The following FHIT variants were observed in gnomAD, a reference collection of about 807,000 sequenced individuals.
The protein encoded by FHIT is bis(5'-adenosyl)-triphosphatase.
In FHIT, 19 loss-of-function variants were observed where a neutral mutation model predicts 17.9. That is an observed-to-expected ratio of 1.06 (90% confidence interval 0.74 to 1.56). FHIT has a LOEUF of 1.56. Ranked by LOEUF, FHIT falls within the 40% of genes most tolerant of loss-of-function variation. FHIT has a pLI of 0.00. For missense variants in FHIT, 248 were observed against 189.2 expected (o/e 1.31, Z -1.82); for synonymous variants, 81 against 69.7 (o/e 1.16, Z -0.81).
At chr3:60,565,070 T>C (rs978986963) in intron 4 of FHIT, among the ~76,000 whole-genome samples, 10 of 152,160 alleles carry the variant, frequency 6.6e-5, no homozygotes, top group Non-Finnish European at 8.8e-5. Context: ...GCCATCAACA[T>C]TGAGGCAAGA....
chr3:60,567,086 C>T (rs1320819782), intron 4 of FHIT, among the ~76,000 whole-genome samples: 5 of 151,332 alleles, frequency 3.3e-5, no homozygotes, highest in Admixed American at 3.3e-4. Flanking sequence ...CAATGACTTT[C>T]TTCACAGAAT....
rs573362254 is a variant in FHIT, at chr3:61,114,564, G to GA, written c.-163-72466dup. On this transcript the variant is annotated intron_variant, in intron 2 of 9. Coordinates refer to ENST00000492590, the MANE Select transcript of FHIT (RefSeq NM_002012.4). ...TTGGCATAGAATCTGGCACAGAGGG[G>GA]AAAAAAAAACAATCATTGGTGCTTA... Among the ~76,000 whole-genome samples the GA allele has an allele frequency of 2.5e-4, 38 of 150,038 alleles. No homozygotes were observed. In the South Asian group the frequency reaches 4.5e-3, roughly 18 times the overall value.
intron 4 of FHIT, among the ~76,000 whole-genome samples, chr3:60,684,238 A>C (rs1347999683): frequency 6.6e-6 from 1 of 151,818 alleles, no homozygotes; most frequent in African/African-American, 2.4e-5. Context: ...GGTTGGTGGG[A>C]CTCTTGTAAT....
chr3:61,187,820 C>T (rs937717145), intron 2 of FHIT, among the ~76,000 whole-genome samples: 1 of 152,170 alleles, frequency 6.6e-6, no homozygotes, highest in African/African-American at 2.4e-5. Context: ...ACAACCTGCT[C>T]CTGAGTGACT....
chr3:61,037,817 G>A (rs535306433), intron 3 of FHIT, among the ~76,000 whole-genome samples: 2 of 152,296 alleles, frequency 1.3e-5, no homozygotes, highest in African/African-American at 4.8e-5. Flanking sequence ...AGATGTCCCA[G>A]CCTCTAGGAC....
chr3:60,958,756 G>C (rs1553779662), intron 3 of FHIT, among the ~76,000 whole-genome samples: 1 of 152,230 alleles, frequency 6.6e-6, no homozygotes, highest in African/African-American at 2.4e-5. Context: ...CCTAAGTTAT[G>C]ACAGATTAAC....
chr3:61,023,288 G>C (rs888035749), intron 3 of FHIT, among the ~76,000 whole-genome samples: 2 of 152,130 alleles, frequency 1.3e-5, no homozygotes, highest in Non-Finnish European at 2.9e-5. Context: ...ACTTACAAGG[G>C]ATGTGAAGGA....
intron 2 of FHIT, among the ~76,000 whole-genome samples, chr3:61,076,468 A>T (rs1436347456): frequency 6.6e-6 from 1 of 152,190 alleles, no homozygotes; most frequent in Non-Finnish European, 1.5e-5. Context: ...TTTAGGACCA[A>T]GATGGTGAAT....
At chr3:60,686,215 G>C (rs7650320) in intron 4 of FHIT, among the ~76,000 whole-genome samples, 2,853 of 152,204 alleles carry the variant, frequency 0.019, 110 homozygotes, top group African/African-American at 0.065. Flanking sequence ...CATGTATATA[G>C]TGTGTTGTTT....
At chr3:60,361,389 C>T (rs1368001101) in intron 5 of FHIT, among the ~76,000 whole-genome samples, 3 of 152,034 alleles carry the variant, frequency 2.0e-5, no homozygotes, top group African/African-American at 7.2e-5. Flanking sequence ...TTCAAAGGCA[C>T]GTACACAAAA....
chr3:60,339,152 A>T (rs1222102364), intron 5 of FHIT, among the ~76,000 whole-genome samples: 1 of 152,218 alleles, frequency 6.6e-6, no homozygotes, highest in Admixed American at 6.5e-5. Flanking sequence ...ATGTGTGTTT[A>T]TATATAAAAT....
chr3:60,673,308 TAA>T (rs2040551385), intron 4 of FHIT, among the ~76,000 whole-genome samples: 1 of 152,236 alleles, frequency 6.6e-6, no homozygotes, highest in Non-Finnish European at 1.5e-5. Context: ...TTTGTTTATC[TAA>T]AACTTAGGTT....
intron 5 of FHIT, among the ~76,000 whole-genome samples, chr3:60,237,935 A>G (rs1302244077): frequency 6.6e-6 from 1 of 152,090 alleles, no homozygotes; most frequent in Non-Finnish European, 1.5e-5. Context: ...CAGGAGTATG[A>G]GAGTAGCCTG....
intron 3 of FHIT, among the ~76,000 whole-genome samples, chr3:60,965,654 A>T (rs1241560504): frequency 6.6e-5 from 10 of 152,102 alleles, no homozygotes; most frequent in African/African-American, 2.4e-4. Flanking sequence ...TTTTCCTTCT[A>T]ACAGTCAGGA....
intron 5 of FHIT, among the ~76,000 whole-genome samples, chr3:60,491,875 TATTTG>T (rs1385161774): frequency 3.9e-5 from 6 of 152,182 alleles, no homozygotes; most frequent in Non-Finnish European, 8.8e-5. Flanking sequence ...ATTATAACAA[TATTTG>T]ATTTAATATT....
intron 2 of FHIT, among the ~76,000 whole-genome samples, chr3:61,184,210 C>T (rs2038433401): frequency 6.6e-6 from 1 of 152,104 alleles, no homozygotes. Flanking sequence ...TCTCGGCTAA[C>T]ATCCCCTTTG....
At chr3:59,756,937 G>A (rs750044805) in intron 8 of FHIT, among the ~76,000 whole-genome samples, 10 of 152,124 alleles carry the variant, frequency 6.6e-5, no homozygotes, top group Non-Finnish European at 1.5e-4. Flanking sequence ...AACCAAAAGT[G>A]TGTCATAGTT....
intron 5 of FHIT, among the ~76,000 whole-genome samples, chr3:60,055,194 T>C (rs1420614661): frequency 6.6e-6 from 1 of 152,162 alleles, no homozygotes; most frequent in Non-Finnish European, 1.5e-5. Flanking sequence ...CTCTTGATGC[T>C]GAGATGCTCC....
chr3:60,924,908 G>GA (rs782649576), intron 3 of FHIT, among the ~76,000 whole-genome samples: 45 of 152,124 alleles, frequency 3.0e-4, no homozygotes, highest in Admixed American at 4.6e-4. Flanking sequence ...ACTACGTGAC[G>GA]AATACACAAG....
Sources: allele counts gnomAD v4.1 joint callset (sites outside exome capture counted in the v4.1 genomes callset), GRCh38; gene constraint gnomAD v4.1.1; transcripts MANE v1.5; gene names NCBI Gene and HGNC (gene_info 2026-07-23, HGNC 2026-07-21).